LRRC49: variants seen among roughly 807,000 people sequenced by gnomAD.
LRRC49 encodes leucine rich repeat containing 49.
A neutral mutation model predicts 83.3 loss-of-function variants in LRRC49; 50 were observed. The ratio of observed to expected loss-of-function variants is 0.60; its 90% CI spans 0.48 to 0.76. LRRC49 has a LOEUF of 0.76. LRRC49 is among the 30% of genes least tolerant of loss of function. The probability of loss-of-function intolerance (pLI) is 0.00; values close to 1 mark genes in which losing one functional copy is unlikely to be tolerated. For synonymous variants in LRRC49, 286 were observed against 283.3 expected, an observed-to-expected ratio of 1.01 and a Z score of -0.10; for missense variants, 704 against 809.1, an observed-to-expected ratio of 0.87 and a Z score of 1.58.
At chr15:71,015,496 G>A (rs2038796869) in intron 14 of LRRC49, among the ~76,000 whole-genome samples, 2 of 152,136 alleles carry the variant, frequency 1.3e-5, no homozygotes, top group Non-Finnish European at 2.9e-5. Context: ...CTGACAGGAG[G>A]CGGAGCTCAG....
At chr15:71,036,497 A>G (rs776044811) in intron 14 of LRRC49, among the ~76,000 whole-genome samples, 1 of 152,164 alleles carries the variant, frequency 6.6e-6, no homozygotes, top group Non-Finnish European at 1.5e-5. Context: ...AGGTAGTAGT[A>G]TCATTTTGAG....
At chr15:70,952,378 A>C (rs765433729) in intron 8 of LRRC49, among the ~76,000 whole-genome samples, 2 of 152,006 alleles carry the variant, frequency 1.3e-5, no homozygotes, top group Admixed American at 1.3e-4. Flanking sequence ...TCAACTGTGA[A>C]TCCATCTGGT....
intron 8 of LRRC49, among the ~76,000 whole-genome samples, chr15:70,945,353 A>T (rs1044865306): frequency 2.0e-5 from 3 of 152,200 alleles, no homozygotes; most frequent in African/African-American, 7.2e-5. Flanking sequence ...AGTTGTTTAC[A>T]TTGGGAAGGT....
chr15:70,992,826 G>T (rs566661001), intron 11 of LRRC49, among the ~76,000 whole-genome samples: 2 of 152,264 alleles, frequency 1.3e-5, no homozygotes, highest in East Asian at 3.9e-4. Flanking sequence ...GCTACTCGGG[G>T]GTCAGGGACC....
intron 14 of LRRC49, among the ~76,000 whole-genome samples, chr15:71,028,568 C>A (rs1332761169): frequency 2.0e-5 from 3 of 152,072 alleles, no homozygotes; most frequent in Admixed American, 6.6e-5. Context: ...GTGAATCCAT[C>A]TGGATCTGGG....
intron 6 of LRRC49, among the ~76,000 whole-genome samples, chr15:70,917,816 G>T (rs1417696092): frequency 6.6e-6 from 1 of 152,114 alleles, no homozygotes; most frequent in Non-Finnish European, 1.5e-5. Flanking sequence ...CTTCCTGGTC[G>T]CAGGACAAGA....
At position 70,919,322 on chromosome 15, in the gene LRRC49, T is replaced by C. The variant is rs1034470930; in HGVS notation, c.711+129T>C. 4 of 813,940 alleles carry C rather than the reference T, an allele frequency of 4.9e-6. No individual in the cohort carries two copies. In the African/African-American group the frequency reaches 5.2e-5, roughly 11 times the overall value. 50.4% of individuals were successfully genotyped at this position (813,940 alleles called of 1,614,324 possible). A position where few individuals can be genotyped will look rare whatever the true frequency, so the allele number is the denominator to read the frequency against. Reference sequence around the variant, plus strand: ...TTAGGTTTTTTCTGAATTTAAATTGTGGATGTAATTATTAAGCTCTGTAAT... The same window carrying C: ...TTAGGTTTTTTCTGAATTTAAATTGCGGATGTAATTATTAAGCTCTGTAAT... On this transcript the variant is annotated intron_variant, in intron 7 of 15. Transcript: ENST00000260382.
intron 8 of LRRC49, among the ~76,000 whole-genome samples, chr15:70,943,698 C>T (rs1285258725): frequency 6.6e-6 from 1 of 152,184 alleles, no homozygotes; most frequent in Non-Finnish European, 1.5e-5. Flanking sequence ...TGACATTTTG[C>T]CTCTTAATGC....
chr15:70,916,709 TG>T (rs2034790317), intron 6 of LRRC49, among the ~76,000 whole-genome samples: 1 of 152,110 alleles, frequency 6.6e-6, no homozygotes, highest in South Asian at 2.1e-4. Flanking sequence ...CAGGTGGACC[TG>T]GGGACAAGTG....
intron 11 of LRRC49, among the ~76,000 whole-genome samples, chr15:71,007,959 T>C (rs1275390290): frequency 6.6e-6 from 1 of 151,664 alleles, no homozygotes; most frequent in African/African-American, 2.4e-5. Flanking sequence ...TTCATAAACA[T>C]ATTTTTATAT....
At chr15:71,042,973 C>T (rs182001947) in intron 15 of LRRC49, among the ~76,000 whole-genome samples, 171 of 152,290 alleles carry the variant, frequency 1.1e-3, no homozygotes, top group African/African-American at 4.0e-3. Context: ...TTTTCTTGAC[C>T]ACCCTAGTGC....
upstream of LRRC49, among the ~76,000 whole-genome samples, chr15:70,889,587 G>GT (rs1386726053): frequency 1.3e-5 from 2 of 152,088 alleles, no homozygotes; most frequent in African/African-American, 2.4e-5. Flanking sequence ...ATTCAGTTGG[G>GT]TTTTTTAAAA....
chr15:71,037,024 G>A (rs1242846788), intron 14 of LRRC49, among the ~76,000 whole-genome samples, 155 bp from the exon 15 acceptor site: 4 of 151,908 alleles, frequency 2.6e-5, no homozygotes, highest in Non-Finnish European at 5.9e-5. Flanking sequence ...AGAAAGTTTG[G>A]GGTACCAGAC....
At chr15:71,022,565 A>G (rs983936005) in intron 14 of LRRC49, among the ~76,000 whole-genome samples, 4 of 152,238 alleles carry the variant, frequency 2.6e-5, no homozygotes, top group African/African-American at 7.2e-5. Flanking sequence ...GACTCAATAG[A>G]CTTGAAAGTT....
chr15:70,865,184 C>G (rs1036148469), intron 1 of LRRC49, among the ~76,000 whole-genome samples: 1 of 152,180 alleles, frequency 6.6e-6, no homozygotes, highest in African/African-American at 2.4e-5. Flanking sequence ...TAACCCAAAT[C>G]TCTATTCTGC....
In LRRC49 at chr15:71,008,536, A is replaced by G. The variant is rs979752603; in HGVS notation, c.1327A>G (p.Thr443Ala). 10 of 1,612,786 alleles carry G rather than the reference A, an allele frequency of 6.2e-6. No individual in the cohort carries two copies. Among genetic ancestry groups the G allele is most frequent in the Non-Finnish European group, 6.8e-6 (8 of 1,179,152 alleles). The change falls in exon 12 of 16, where the codon ACA (threonine) becomes GCA (alanine). Residue 443 changes from threonine (T) to alanine (A), a missense_variant. Physicochemically the swap from Thr to Ala is moderately conservative, Grantham distance 58. Around this residue, in one of 3 missense-constraint regions of LRRC49, gnomAD observed 275 missense variants for 338.0 expected, o/e 0.81. Transcript: ENST00000260382. The part of the protein sequence containing the change: ...WSVQTAGMIT[T>A]VSFTFIEFDE... ...TGTTCAAACAGCAGGAATGATCACAACAGTCTCCTTCACTTTCATAGAATT... is the reference window on the plus strand; with the variant it reads ...TGTTCAAACAGCAGGAATGATCACAGCAGTCTCCTTCACTTTCATAGAATT...
At chr15:70,871,640 G>C (rs570258599) in intron 1 of LRRC49, among the ~76,000 whole-genome samples, 1 of 151,782 alleles carries the variant, frequency 6.6e-6, no homozygotes, top group Admixed American at 6.6e-5. Flanking sequence ...CTTCCCAGAC[G>C]GGGCGGCTGC....
chr15:70,865,711 C>T (rs943795609), intron 1 of LRRC49, among the ~76,000 whole-genome samples: 7 of 152,196 alleles, frequency 4.6e-5, no homozygotes, highest in African/African-American at 1.7e-4. Context: ...CAGACTTTCC[C>T]TGAGGCAAGA....
intron 10 of LRRC49, among the ~76,000 whole-genome samples, chr15:70,981,595 A>T (rs199735037): frequency 6.6e-6 from 1 of 151,846 alleles, no homozygotes; most frequent in Non-Finnish European, 1.5e-5. Context: ...TTGCTTTTCT[A>T]TTTTTTTTAT....
Sources: gnomAD v4.1 joint callset for allele counts (sites outside exome capture counted in the v4.1 genomes callset) on GRCh38, gnomAD v4.1.1 for gene constraint, gnomAD v4.1.1 regional missense constraint, MANE v1.5 for transcripts, NCBI Gene and HGNC (gene_info 2026-07-23, HGNC 2026-07-21) for gene names.